Variants in CCDC69 observed in about 807,000 individuals in gnomAD.
CCDC69 encodes coiled-coil domain-containing protein 69.
CCDC69 carries 38 observed loss-of-function variants against 40.3 expected under a neutral mutation model. The ratio of observed to expected loss-of-function variants is 0.94; its 90% CI spans 0.73 to 1.24. The LOEUF (loss-of-function observed/expected upper bound fraction) is 1.24. CCDC69 is among the 50% of genes most tolerant of loss of function. The pLI, the probability that CCDC69 is intolerant of heterozygous loss-of-function variation, is 0.00. For missense variants in CCDC69, 389 were observed against 357.9 expected (o/e 1.09, Z -0.70); for synonymous variants, 141 against 138.9 (o/e 1.02, Z -0.11).
intron 4 of CCDC69, among the ~76,000 whole-genome samples, chr5:151,196,686 T>C (rs1034803724): frequency 2.0e-5 from 3 of 151,546 alleles, no homozygotes; most frequent in African/African-American, 4.8e-5. Flanking sequence ...AACCACTTTA[T>C]GTGCACTAGG....
chr5:151,202,756 A>G (rs1194324942), intron 2 of CCDC69, among the ~76,000 whole-genome samples: 1 of 152,202 alleles, frequency 6.6e-6, no homozygotes, highest in African/African-American at 2.4e-5. Flanking sequence ...GGGAAACTCC[A>G]AAACAGGACC....
At chr5:151,197,145 A>C (rs1211330925) in intron 4 of CCDC69, among the ~76,000 whole-genome samples, 2 of 152,278 alleles carry the variant, frequency 1.3e-5, no homozygotes, top group Non-Finnish European at 2.9e-5. Context: ...TGGGTTATAC[A>C]ATCCCGTTTA....
chr5:151,187,045 C>T (rs1582038762), intron 5 of CCDC69, among the ~76,000 whole-genome samples: 1 of 152,338 alleles, frequency 6.6e-6, no homozygotes, highest in South Asian at 2.1e-4. Context: ...GGAAATCTTT[C>T]CTGCACAGCC....
At chr5:151,202,072 CT>C (rs1752783525) in intron 2 of CCDC69, among the ~76,000 whole-genome samples, 1 of 152,058 alleles carries the variant, frequency 6.6e-6, no homozygotes, top group Admixed American at 6.5e-5. Context: ...AAATTAGTCG[CT>C]GGCCAGACAT....
At chr5:151,184,713 T>G in intron 7 of CCDC69, 1 of 338,958 alleles carries the variant, frequency 3.0e-6, no homozygotes, top group Non-Finnish European at 5.5e-6. Flanking sequence ...TATGTTTTGT[T>G]CTCCAAAAGT....
chr5:151,214,982 C>T (rs958164139), intron 1 of CCDC69, among the ~76,000 whole-genome samples: 1 of 152,200 alleles, frequency 6.6e-6, no homozygotes, highest in Admixed American at 6.5e-5. Flanking sequence ...TTTCTTGTCC[C>T]ATATCAGCTT....
intron 1 of CCDC69, among the ~76,000 whole-genome samples, chr5:151,211,528 T>TC (rs1481486435): frequency 7.4e-5 from 11 of 147,868 alleles, no homozygotes; most frequent in Non-Finnish European, 1.6e-4. Flanking sequence ...CTTTTTTTTT[T>TC]TTTTTTTTTT....
intron 1 of CCDC69, among the ~76,000 whole-genome samples, chr5:151,213,424 T>TG (rs1457775612): frequency 1.3e-5 from 2 of 151,348 alleles, no homozygotes; most frequent in Non-Finnish European, 1.5e-5. Flanking sequence ...TTTTTTTTTT[T>TG]TGTATTTTTT....
chr5:151,186,137 G>A lies in CCDC69; in HGVS notation c.394-13C>T. The A allele has an allele frequency of 6.4e-7, 1 of 1,564,138 alleles. No homozygotes were observed. Among genetic ancestry groups the A allele is most frequent in the Non-Finnish European group, 8.8e-7 (1 of 1,134,574 alleles). On this transcript the variant is annotated splice_polypyrimidine_tract_variant and intron_variant, in intron 5 of 8. Transcript: ENST00000355417. ...TGTCTATGGTCTCCTGGAGCAGGGA[G>A]TGGGATGGAGACAATCAAAGCCTGC...
intron 1 of CCDC69, among the ~76,000 whole-genome samples, chr5:151,216,606 G>C (rs1175812593): frequency 2.6e-5 from 4 of 151,240 alleles, no homozygotes; most frequent in Non-Finnish European, 5.9e-5. Flanking sequence ...AGTAGAGACG[G>C]GGTTTCACCA....
At chr5:151,223,797 C>T in intron 1 of CCDC69, 126 bp downstream of exon 1, 2 of 915,882 alleles carry the variant, frequency 2.2e-6, no homozygotes, top group Non-Finnish European at 1.6e-6. Context: ...GAGCTGGCCT[C>T]TCCAGGTTCT....
At chr5:151,198,069 G>A (rs1424921728) in intron 4 of CCDC69, among the ~76,000 whole-genome samples, 1 of 152,172 alleles carries the variant, frequency 6.6e-6, no homozygotes, top group East Asian at 1.9e-4. Flanking sequence ...ACTCTGGGTG[G>A]AATTATGATT....
At chr5:151,192,087 GAAAAAA>G (rs34310340) in intron 4 of CCDC69, among the ~76,000 whole-genome samples, 1 of 38,802 alleles carries the variant, frequency 2.6e-5, no homozygotes, top group African/African-American at 1.2e-4. Flanking sequence ...CCTGTCTCAG[GAAAAAA>G]AAAAAAAAAA....
rs1322400909 is a variant in CCDC69 at position 151,181,909 on chromosome 5, T to G, written c.*1528A>C. 6.6e-6 allele frequency: 1 copy of G among 152,210 alleles called. No homozygotes were observed. The highest frequency in any genetic ancestry group is 1.5e-5 in the Non-Finnish European group (1 of 68,132). The allele number at this position is 152,210 out of a possible 1,614,324, so 9.4% of individuals were successfully genotyped here. ...ACAGCACTCCCCTAGCCTCACCTCT[T>G]CCCCCATTTGGCTGTGGAAATGGAG... On this transcript the variant is annotated 3_prime_UTR_variant, in exon 9 of 9. Transcript: ENST00000355417.
Position 151,182,775 on chromosome 5 carries a change from C to A in CCDC69, c.*662G>T, listed in dbSNP as rs1011929649. On this transcript the variant is annotated 3_prime_UTR_variant, in exon 9 of 9. Coordinates refer to ENST00000355417, the MANE Select transcript of CCDC69 (RefSeq NM_015621.3). ...GTCCCTTGGTGGACACGACTCTGGCCCAGGAATGATGCCTCAGCTGGGGAG... is the reference window on the plus strand; with the variant it reads ...GTCCCTTGGTGGACACGACTCTGGCACAGGAATGATGCCTCAGCTGGGGAG... 2 of 335,140 alleles carry A rather than the reference C, an allele frequency of 6.0e-6. No homozygotes were observed. Among genetic ancestry groups the A allele is most frequent in the Admixed American group, 8.0e-5 (2 of 24,910 alleles). The allele number at this position is 335,140 out of a possible 1,614,324, so 20.8% of individuals were successfully genotyped here. A position where few individuals can be genotyped will look rare whatever the true frequency, so the allele number is the denominator to read the frequency against.
At chr5:151,223,331 C>G (rs1020161093) in intron 1 of CCDC69, among the ~76,000 whole-genome samples, 2 of 152,240 alleles carry the variant, frequency 1.3e-5, no homozygotes, top group African/African-American at 2.4e-5. Flanking sequence ...CCAAGGGCAG[C>G]CCACACTCAC....
In CCDC69 at chr5:151,186,455, A is replaced by C. The variant is rs372376031; in HGVS notation, c.394-331T>G. Among the ~76,000 whole-genome samples the C allele has an allele frequency of 4.0e-5, 6 of 151,510 alleles. No individual in the cohort carries two copies. In the East Asian group the frequency reaches 1.2e-3, roughly 29 times the overall value. On this transcript the variant is annotated intron_variant, in intron 5 of 8. Transcript: ENST00000355417. ...AGAAGGAGAAGGAGAGGGAGGGAGA[A>C]GGAGAAGGAGAGGGAGAAGGAGAGG... is the stretch of plus-strand genomic sequence containing the variant.
chr5:151,220,762 G>T (rs1184274239), intron 1 of CCDC69, among the ~76,000 whole-genome samples: 1 of 151,018 alleles, frequency 6.6e-6, no homozygotes, highest in African/African-American at 2.4e-5. Context: ...AAAGGGGGTT[G>T]GCCACGAGAT....
At chr5:151,222,498 ACT>A (rs1753148746) in intron 1 of CCDC69, among the ~76,000 whole-genome samples, 1 of 152,140 alleles carries the variant, frequency 6.6e-6, no homozygotes, top group African/African-American at 2.4e-5. Flanking sequence ...GAGAACACAG[ACT>A]CTCAGATGCT....
Sources: allele counts gnomAD v4.1 joint callset (sites outside exome capture counted in the v4.1 genomes callset), GRCh38; gene constraint gnomAD v4.1.1; transcripts MANE v1.5; gene names NCBI Gene and HGNC (gene_info 2026-07-23, HGNC 2026-07-21).